Variants in UBAP2 observed in about 807,000 individuals in gnomAD.
UBAP2 encodes ubiquitin-associated protein 2.
Under a neutral mutation model 139.6 loss-of-function variants are expected in UBAP2, and 75 were observed. The ratio of observed to expected loss-of-function variants is 0.54; its 90% CI spans 0.45 to 0.65. The LOEUF is 0.65. Among genes scored for constraint, UBAP2 ranks in the 30% least tolerant of loss-of-function variants. The pLI is 0.00. For synonymous variants in UBAP2, 526 were observed against 526.2 expected (o/e 1.00, Z 0.01); for missense variants, 1,368 against 1,369.6 (o/e 1.00, Z 0.02).
At chr9:34,005,203 C>T (rs994012611) in intron 2 of UBAP2, among the ~76,000 whole-genome samples, 1 of 149,322 alleles carries the variant, frequency 6.7e-6, no homozygotes, top group Non-Finnish European at 1.5e-5. Flanking sequence ...GCGGAGGTTG[C>T]AGTGAGCTGA....
In UBAP2 at chr9:33,944,401, G is replaced by A; in HGVS notation, c.1509C>T (p.Ile503=). Residue 503 remains isoleucine, a synonymous_variant, in exon 14 of 29, where the codon ATC becomes ATT. Transcript: ENST00000379238. ...VSVHQPQPKH[I]KLAKRRIPPA... is the part of the protein sequence containing the mutation. The stretch of plus-strand genomic sequence containing the variant: ...GGGGTATCCGCCGCTTAGCAAGTTT[G>A]ATGTGTTTGGGCTGTGGCTGGTGGA... 2 of 1,614,088 alleles carry A rather than the reference G, an allele frequency of 1.2e-6. No individual in the cohort carries two copies. Among genetic ancestry groups the A allele is most frequent in the East Asian group, 4.5e-5 (2 of 44,878 alleles).
intron 4 of UBAP2, among the ~76,000 whole-genome samples, chr9:33,992,588 C>T (rs1821806993): frequency 8.9e-6 from 1 of 112,272 alleles, no homozygotes; most frequent in South Asian, 2.7e-4. Context: ...AAAAAGATAC[C>T]CTCCCCATCC....
At chr9:33,962,313 A>G (rs1827109269) in intron 9 of UBAP2, among the ~76,000 whole-genome samples, 1 of 152,224 alleles carries the variant, frequency 6.6e-6, no homozygotes. Flanking sequence ...CATGATATGT[A>G]GTAAGAATGG....
Position 33,943,587 on chromosome 9 carries a change from G to A in UBAP2, c.1548C>T (p.Ile516=), listed in dbSNP as rs1243703701. The change falls in exon 15 of 29, where the codon ATC becomes ATT. Residue 516 remains isoleucine (I), a splice_region_variant and synonymous_variant. Transcript: ENST00000379238. ...CAGGCATTTCCACTGCAGAAGCTGG[G>A]ATCTGAAAAAGCAAAGCTGTCGTGT... The part of the protein sequence containing the change: ...AKRRIPPASK[I]PASAVEMPGS... 6.2e-7 allele frequency: 1 copy of A among 1,613,822 alleles called. No homozygotes were observed. Among genetic ancestry groups the A allele is most frequent in the Non-Finnish European group, 8.5e-7 (1 of 1,179,942 alleles).
At chr9:33,962,979 CA>C (rs1214955299) in intron 9 of UBAP2, among the ~76,000 whole-genome samples, 2 of 149,996 alleles carry the variant, frequency 1.3e-5, no homozygotes, top group African/African-American at 2.4e-5. Context: ...AACTCCATCT[CA>C]AAAAAAATAA....
At chr9:33,998,734 A>T in intron 3 of UBAP2, 53 bp downstream of exon 3, 1 of 1,503,868 alleles carries the variant, frequency 6.6e-7, no homozygotes, top group Non-Finnish European at 9.1e-7. Flanking sequence ...TATCTTTTTA[A>T]GCACAATCAA....
Position 33,922,965 on chromosome 9 carries a change from C to T in UBAP2, c.3072+1G>A. 1 of 1,614,196 alleles carries T rather than the reference C, an allele frequency of 6.2e-7. No homozygotes were observed. The highest frequency in any genetic ancestry group is 8.5e-7 in the Non-Finnish European group (1 of 1,180,020). On this transcript the variant is annotated splice_donor_variant, in intron 27 of 28. Coordinates refer to ENST00000379238, the MANE Select transcript of UBAP2 (RefSeq NM_001370062.2). LOFTEE classifies it high-confidence loss of function. Reference sequence around the variant, plus strand: ...ACACCCAACCCACCTTTGTCCCTCACCTGTGTCTTATTGTAGACAGAACCA... The same window carrying T: ...ACACCCAACCCACCTTTGTCCCTCATCTGTGTCTTATTGTAGACAGAACCA...
intron 4 of UBAP2, among the ~76,000 whole-genome samples, chr9:33,991,786 CA>C (rs1821732643): frequency 6.6e-6 from 1 of 152,092 alleles, no homozygotes; most frequent in Non-Finnish European, 1.5e-5. Context: ...GGTTAGAATA[CA>C]AAAAGTAAAT....
intron 18 of UBAP2, 49 bp from the exon 19 acceptor site, chr9:33,932,677 A>C: frequency 6.2e-7 from 1 of 1,605,130 alleles, no homozygotes; most frequent in South Asian, 1.1e-5. Context: ...AAGTGACTCC[A>C]GATGAACAAG....
chr9:33,982,169 A>G (rs1820821788), intron 6 of UBAP2, among the ~76,000 whole-genome samples: 1 of 152,214 alleles, frequency 6.6e-6, no homozygotes, highest in Non-Finnish European at 1.5e-5. Flanking sequence ...AGCAGCCAGC[A>G]GCCCCTCTTT....
At chr9:33,950,550 C>T (rs1826013275) in intron 12 of UBAP2, among the ~76,000 whole-genome samples, 1 of 152,188 alleles carries the variant, frequency 6.6e-6, no homozygotes, top group Non-Finnish European at 1.5e-5. Context: ...ACAGAGATTG[C>T]TCATACTGAA....
chr9:33,980,089 C>T (rs1339128430), intron 6 of UBAP2, among the ~76,000 whole-genome samples: 1 of 151,712 alleles, frequency 6.6e-6, no homozygotes, highest in Non-Finnish European at 1.5e-5. Flanking sequence ...CAACAAAAAA[C>T]TGTATCATGG....
intron 17 of UBAP2, chr9:33,934,286 A>AGTCCTAGCT (rs1188629543): frequency 6.4e-6 from 1 of 156,264 alleles, no homozygotes; most frequent in Non-Finnish European, 1.5e-5. Context: ...GGAGACACTC[A>AGTCCTAGCT]GTCCTAGCTG....
chr9:33,923,980 G>T lies in UBAP2; in HGVS notation c.2611C>A (p.Arg871Ser), dbSNP rs775594520. ...PYPGDVTKFG[R>S]GDSASPAPAT... ...GGTGCAGGGGATGCAGAGTCCCCAC[G>T]GCCAAACTTTGTGACATCACCTAGG... The change falls in exon 24 of 29, where the codon CGT becomes AGT. Residue 871 changes from arginine (R) to serine (S), a missense_variant. By Grantham distance (110) the Arg-to-Ser change is moderately radical. Transcript: ENST00000379238. 3 of 1,613,746 alleles carry T rather than the reference G, an allele frequency of 1.9e-6. No homozygotes were observed. The African/African-American group carries it at 4.0e-5, about 22-fold the overall frequency.
At chr9:34,015,158 T>A (rs1017948228) in intron 2 of UBAP2, among the ~76,000 whole-genome samples, 1 of 152,214 alleles carries the variant, frequency 6.6e-6, no homozygotes, top group South Asian at 2.1e-4. Flanking sequence ...CTTACTTGCA[T>A]ATTGCCTATG....
At chr9:33,972,282 C>T (rs1026195585) in intron 7 of UBAP2, among the ~76,000 whole-genome samples, 2 of 152,184 alleles carry the variant, frequency 1.3e-5, no homozygotes, top group South Asian at 4.1e-4. Context: ...AGAGGTCTAA[C>T]ATGAGCCAAA....
chr9:33,991,891 C>CT (rs538700173), intron 4 of UBAP2, among the ~76,000 whole-genome samples: 2 of 152,200 alleles, frequency 1.3e-5, no homozygotes, highest in South Asian at 4.1e-4. Context: ...GAAAGGTACT[C>CT]TATCTTTATA....
intron 27 of UBAP2, 27 bp downstream of exon 27, chr9:33,922,939 T>C: frequency 1.2e-6 from 2 of 1,614,134 alleles, no homozygotes; most frequent in South Asian, 1.1e-5. Flanking sequence ...CAAAAACCTA[T>C]ACACCCAACC....
chr9:33,946,734 A>C (rs1458105693), intron 13 of UBAP2, among the ~76,000 whole-genome samples: 2 of 152,190 alleles, frequency 1.3e-5, no homozygotes, highest in African/African-American at 4.8e-5. Flanking sequence ...CAAATGGCAG[A>C]GCTGGTTTAG....
Sources: gnomAD v4.1 joint callset for allele counts (sites outside exome capture counted in the v4.1 genomes callset) on GRCh38, gnomAD v4.1.1 for gene constraint, MANE v1.5 for transcripts, NCBI Gene and HGNC (gene_info 2026-07-23, HGNC 2026-07-21) for gene names.